Variants in PRELID2 observed in about 807,000 individuals in gnomAD.
The protein encoded by PRELID2 is PRELI domain-containing protein 2.
Under a neutral mutation model 28.4 loss-of-function variants are expected in PRELID2, and 25 were observed. That is an observed-to-expected ratio of 0.88 (90% confidence interval 0.64 to 1.23). The LOEUF is 1.23. PRELID2 is among the 50% of genes most tolerant of loss of function. PRELID2 has a pLI of 0.00. For synonymous variants in PRELID2, 76 were observed against 71.6 expected, an observed-to-expected ratio of 1.06 and a Z score of -0.31; for missense variants, 201 against 214.4, an observed-to-expected ratio of 0.94 and a Z score of 0.39.
intron 4 of PRELID2, among the ~76,000 whole-genome samples, chr5:145,815,320 T>C (rs540608711): frequency 2.0e-5 from 3 of 152,350 alleles, no homozygotes; most frequent in Admixed American, 1.3e-4. Flanking sequence ...CAGTCTATGG[T>C]ATTCTTGTTA....
At chr5:145,522,421 G>GAGAGAGAGAGAA (rs1752570772) in intron 1 of PRELID2, among the ~76,000 whole-genome samples, 1 of 151,998 alleles carries the variant, frequency 6.6e-6, no homozygotes, top group Admixed American at 6.6e-5. Flanking sequence ...ACACACGAGA[G>GAGAGAGAGAGAA]AGAGAGAGAG....
chr5:145,547,837 G>T (rs1580974233), intron 1 of PRELID2, among the ~76,000 whole-genome samples: 1 of 152,166 alleles, frequency 6.6e-6, no homozygotes, highest in African/African-American at 2.4e-5. Context: ...TTTCATCAGA[G>T]TATAGTCATA....
intron 1 of PRELID2, among the ~76,000 whole-genome samples, chr5:145,534,333 T>C (rs549393006): frequency 3.3e-5 from 5 of 152,146 alleles, no homozygotes; most frequent in African/African-American, 1.2e-4. Flanking sequence ...AAATGTGTAT[T>C]TTATGATAAT....
the PRELID2 span, among the ~76,000 whole-genome samples, chr5:145,377,580 A>T: frequency 6.6e-6 from 1 of 152,084 alleles, no homozygotes; most frequent in African/African-American, 2.4e-5. Context: ...TAAGACAGTT[A>T]AATCTTCTTG....
chr5:145,403,146 G>A, the PRELID2 span, among the ~76,000 whole-genome samples: 2 of 152,160 alleles, frequency 1.3e-5, no homozygotes, highest in South Asian at 4.1e-4. Flanking sequence ...ACACTGTGAG[G>A]AGTCACTGGG....
chr5:145,592,885 A>C (rs1477781362), intron 1 of PRELID2, among the ~76,000 whole-genome samples: 2 of 152,216 alleles, frequency 1.3e-5, no homozygotes, highest in African/African-American at 2.4e-5. Flanking sequence ...AGGCACCAAT[A>C]GTTTGACTAC....
chr5:145,577,720 A>T (rs79824642), intron 1 of PRELID2, among the ~76,000 whole-genome samples: 10,851 of 152,164 alleles, frequency 0.071, 575 homozygotes, highest in Admixed American at 0.18. Context: ...ATTTATTATC[A>T]TCATTTGATG....
the PRELID2 span, among the ~76,000 whole-genome samples, chr5:145,419,330 G>C: frequency 0.32 from 35,930 of 113,024 alleles, 5,286 homozygotes; most frequent in Middle Eastern, 0.38. Context: ...GGTTGAACTA[G>C]TTTACAGTCC....
chr5:145,498,925 C>T (rs1400047085), intron 1 of PRELID2, among the ~76,000 whole-genome samples: 1 of 151,768 alleles, frequency 6.6e-6, no homozygotes, highest in African/African-American at 2.4e-5. Context: ...AAATACTACA[C>T]CATTACTGAA....
chr5:145,655,977 G>A (rs1031330933), intron 1 of PRELID2, among the ~76,000 whole-genome samples: 1 of 151,996 alleles, frequency 6.6e-6, no homozygotes, highest in African/African-American at 2.4e-5. Flanking sequence ...CTACAGAATG[G>A]GAGAAAAATT....
intron 1 of PRELID2, among the ~76,000 whole-genome samples, chr5:145,564,787 C>T (rs888722071): frequency 5.3e-5 from 8 of 152,202 alleles, no homozygotes; most frequent in Non-Finnish European, 4.4e-5. Flanking sequence ...CCTTTCCTAA[C>T]TTGAGCTCAC....
At chr5:145,801,457 A>G (rs1441908000) in intron 4 of PRELID2, among the ~76,000 whole-genome samples, 1 of 152,120 alleles carries the variant, frequency 6.6e-6, no homozygotes, top group Admixed American at 6.6e-5. Flanking sequence ...CCTGTCTTTC[A>G]TCTCTGAGAA....
At chr5:145,436,989 T>C in the PRELID2 span, 2 of 152,342 alleles carry the variant, frequency 1.3e-5, no homozygotes, top group East Asian at 3.9e-4. Flanking sequence ...TCTTCTCTTT[T>C]ACTATTAGCT....
At chr5:145,509,544 C>G (rs1580962769) in intron 1 of PRELID2, among the ~76,000 whole-genome samples, 2 of 152,172 alleles carry the variant, frequency 1.3e-5, no homozygotes, top group African/African-American at 4.8e-5. Flanking sequence ...AAGGGCCACC[C>G]TGCCTTTCCT....
At position 145,630,122 on chromosome 5, in the gene PRELID2, T is replaced by TTAGATGCATGGATGGATGGATGGA. The variant is rs755496433; in HGVS notation, n.70+134808_70+134809insTCCATCCATCCATCCATGCATCTA. 1.5e-4 allele frequency among the ~76,000 whole-genome samples: 22 copies of TTAGATGCATGGATGGATGGATGGA among 147,168 alleles called. No homozygotes were observed. The East Asian group carries it at 2.7e-3, about 18-fold the overall frequency. ...GAAAAGTGTGTACTCAAAAAAATGTTTGGATGCATGGATGGATGGATGGAT... is the reference window on the plus strand; with the variant it reads ...GAAAAGTGTGTACTCAAAAAAATGTTTAGATGCATGGATGGATGGATGGATGGATGCATGGATGGATGGATGGAT... On this transcript the variant is annotated intron_variant and non_coding_transcript_variant, in intron 1 of 2. Transcript: ENST00000510259.
chr5:145,397,661 G>A, the PRELID2 span, among the ~76,000 whole-genome samples: 1 of 152,166 alleles, frequency 6.6e-6, no homozygotes, highest in Admixed American at 6.5e-5. Context: ...GAGAAGATAG[G>A]AAAAGAGAGA....
In PRELID2 at chr5:145,758,937, A is replaced by G. The variant is rs1180122224; in HGVS notation, c.*1599T>C. 2 of 152,024 alleles carry G rather than the reference A, an allele frequency of 1.3e-5. No homozygotes were observed. Among genetic ancestry groups the G allele is most frequent in the Admixed American group, 6.6e-5 (1 of 15,254 alleles). 9.4% of individuals were successfully genotyped at this position (152,024 alleles called of 1,614,324 possible). A position where few individuals can be genotyped will look rare whatever the true frequency, so the allele number is the denominator to read the frequency against. On this transcript the variant is annotated 3_prime_UTR_variant, in exon 7 of 7. Transcript: ENST00000683046. ...GAAATTCATCAATGGATTAAGTGGA[A>G]AAATTTTCAGACATTTTAAAAAAAA...
At chr5:145,383,608 T>A in the PRELID2 span, among the ~76,000 whole-genome samples, 1 of 142,516 alleles carries the variant, frequency 7.0e-6, no homozygotes. Flanking sequence ...GTGAAATAAC[T>A]AAATGTCAGC....
At chr5:145,244,998 G>C in the PRELID2 span, among the ~76,000 whole-genome samples, 1 of 151,702 alleles carries the variant, frequency 6.6e-6, no homozygotes, top group Admixed American at 6.6e-5. Context: ...TTTTTGTTCC[G>C]GCACATTTTT....
Sources: gnomAD v4.1 joint callset for allele counts (sites outside exome capture counted in the v4.1 genomes callset) on GRCh38, gnomAD v4.1.1 for gene constraint, MANE v1.5 for transcripts, NCBI Gene and HGNC (gene_info 2026-07-23, HGNC 2026-07-21) for gene names.